Variants in MYO1F observed in about 807,000 individuals in gnomAD.
The protein encoded by MYO1F is unconventional myosin-If.
Under a neutral mutation model 146.6 loss-of-function variants are expected in MYO1F, and 60 were observed. That is an observed-to-expected ratio of 0.41 (90% CI 0.33 to 0.51). MYO1F has a LOEUF of 0.51. Ranked by LOEUF, MYO1F falls within the 20% of genes least tolerant of loss-of-function variation. The pLI is 0.25. For missense variants in MYO1F, 1,274 were observed against 1,534.3 expected (o/e 0.83, Z 2.83); for synonymous variants, 602 against 602.1 (o/e 1.00, Z 0.00).
chr19:8,541,423 GTGT>G (rs1327954994), intron 15 of MYO1F, among the ~76,000 whole-genome samples: 18 of 123,218 alleles, frequency 1.5e-4, no homozygotes, highest in African/African-American at 4.1e-4. Context: ...GTGTGTGTGT[GTGT>G]TTTTTTTTTT....
intron 1 of MYO1F, among the ~76,000 whole-genome samples, chr19:8,572,760 A>G (rs944061276): frequency 2.0e-5 from 3 of 152,160 alleles, no homozygotes; most frequent in African/African-American, 7.2e-5. Context: ...CAGTGGGGCC[A>G]TCACAGCTCA....
In MYO1F at chr19:8,544,283, G is replaced by A; in HGVS notation, c.1524+14C>T. On this transcript the variant is annotated intron_variant, in intron 14 of 27. Coordinates refer to ENST00000644032, the MANE Select transcript of MYO1F (RefSeq NM_012335.4). Reference sequence around the variant, plus strand: ...GCGAGGAGGCACAGGGTAGGGTAGGGGCAGGGGGCGCACCTTGCCAGCGTA... The same window carrying A: ...GCGAGGAGGCACAGGGTAGGGTAGGAGCAGGGGGCGCACCTTGCCAGCGTA... The A allele has an allele frequency of 6.2e-7, 1 of 1,612,734 alleles. No individual in the cohort carries two copies. Among genetic ancestry groups the A allele is most frequent in the Non-Finnish European group, 8.5e-7 (1 of 1,179,756 alleles).
chr19:8,574,545 T>C (rs2042169919), intron 1 of MYO1F, among the ~76,000 whole-genome samples: 1 of 79,450 alleles, frequency 1.3e-5, no homozygotes, highest in Non-Finnish European at 2.6e-5. Flanking sequence ...CTTTCTTTCT[T>C]TCTTTCTTTC....
chr19:8,543,531 GT>G (rs1221587063), intron 14 of MYO1F, among the ~76,000 whole-genome samples: 1 of 152,016 alleles, frequency 6.6e-6, no homozygotes, highest in African/African-American at 2.4e-5. Context: ...CCAAGCTGGT[GT>G]TAATCGGGGG....
At chr19:8,526,380 T>C (rs1211486148) in intron 24 of MYO1F, 73 bp downstream of exon 24, 14 of 1,531,444 alleles carry the variant, frequency 9.1e-6, no homozygotes, top group African/African-American at 2.8e-5. Flanking sequence ...GACACTCCCC[T>C]TCCTGGCCTT....
At chr19:8,576,386 G>A (rs2042239931) in intron 1 of MYO1F, 1 of 152,362 alleles carries the variant, frequency 6.6e-6, no homozygotes, top group Non-Finnish European at 1.5e-5. Context: ...ACCCTAGTAA[G>A]CTGTACCTGC....
rs535403200 is a variant in MYO1F, at chr19:8,573,839, G to A, written c.3+3468C>T. Among the ~76,000 whole-genome samples, 395 of 152,170 alleles carry A rather than the reference G, an allele frequency of 2.6e-3. 1 individual carries two copies. Among genetic ancestry groups the A allele is most frequent in the African/African-American group, 9.0e-3 (375 of 41,530 alleles). On this transcript the variant is annotated intron_variant, in intron 1 of 27. Transcript: ENST00000644032. ...CACTCCAGCCGGGGTGACAGAGCGA[G>A]ACTCTGTCTCAGAAACAAAACAAAA...
intron 12 of MYO1F, among the ~76,000 whole-genome samples, chr19:8,546,383 C>A (rs571781107): frequency 1.3e-5 from 2 of 150,792 alleles, no homozygotes; most frequent in African/African-American, 4.9e-5. Context: ...TTTTTGAGAC[C>A]GGGTTTTGCT....
chr19:8,527,582 G>A, intron 21 of MYO1F, 99 bp from the exon 22 acceptor site: 1 of 1,490,882 alleles, frequency 6.7e-7, no homozygotes, highest in African/African-American at 1.4e-5. Flanking sequence ...CAGGTCAGGT[G>A]AGGAAGGTGG....
chr19:8,527,532 G>A (rs1483763028), intron 21 of MYO1F, 49 bp from the exon 22 acceptor site: 2 of 1,604,348 alleles, frequency 1.2e-6, no homozygotes, highest in African/African-American at 1.3e-5. Flanking sequence ...TGGCCAGCCT[G>A]GCCACAGAGG....
At chr19:8,552,692 AT>A (rs897747838) in intron 6 of MYO1F, among the ~76,000 whole-genome samples, 157 of 151,472 alleles carry the variant, frequency 1.0e-3, no homozygotes, top group Middle Eastern at 6.8e-3. Flanking sequence ...AGTTGCATAG[AT>A]TTTTTTCCCC....
intron 1 of MYO1F, among the ~76,000 whole-genome samples, chr19:8,561,466 CTCTCTTTCTTTT>C (rs1338580310): frequency 2.1e-4 from 26 of 123,676 alleles, no homozygotes; most frequent in Non-Finnish European, 3.2e-4. Context: ...CTCCCTCTCT[CTCTCTTTCTTTT>C]TCTCTTTCTT....
chr19:8,548,369 C>T, intron 10 of MYO1F, 52 bp from the exon 11 acceptor site: 1 of 1,549,454 alleles, frequency 6.5e-7, no homozygotes, highest in African/African-American at 1.4e-5. Context: ...AGATCTGAAG[C>T]CCCTGCCCAC....
chr19:8,575,077 TC>T (rs2042214196), intron 1 of MYO1F, among the ~76,000 whole-genome samples: 2 of 150,236 alleles, frequency 1.3e-5, no homozygotes, highest in Non-Finnish European at 3.0e-5. Flanking sequence ...ATTTTCTTTT[TC>T]TTTTTTTTTT....
At chr19:8,576,030 T>A (rs1468535417) in intron 1 of MYO1F, among the ~76,000 whole-genome samples, 1 of 152,194 alleles carries the variant, frequency 6.6e-6, no homozygotes, top group Non-Finnish European at 1.5e-5. Flanking sequence ...CGGAGTGTGC[T>A]CTGTCACCCA....
At chr19:8,551,699 G>A (rs1326011567) in intron 8 of MYO1F, 41 bp downstream of exon 8, 4 of 1,613,912 alleles carry the variant, frequency 2.5e-6, no homozygotes, top group Non-Finnish European at 3.4e-6. Context: ...CTGGGGCTGA[G>A]GTCTGCCTGG....
intron 14 of MYO1F, among the ~76,000 whole-genome samples, chr19:8,543,446 A>G (rs2145878819): frequency 1.3e-5 from 2 of 150,778 alleles, no homozygotes; most frequent in Middle Eastern, 6.8e-3. Context: ...TTGGGATCAG[A>G]AGGTGGGGGG....
In MYO1F at chr19:8,530,032, C is replaced by T. The variant is rs1378257432; in HGVS notation, c.2328+164G>A. 1.1e-6 allele frequency: 1 copy of T among 896,670 alleles called. No individual in the cohort carries two copies. Among genetic ancestry groups the T allele is most frequent in the South Asian group, 1.4e-5 (1 of 71,886 alleles). The allele number at this position is 896,670 out of a possible 1,614,324, so 55.5% of individuals were successfully genotyped here. A position where few individuals can be genotyped will look rare whatever the true frequency, so the allele number is the denominator to read the frequency against. On this transcript the variant is annotated intron_variant, in intron 21 of 27. Coordinates refer to ENST00000644032, the MANE Select transcript of MYO1F (RefSeq NM_012335.4). This position sits in a 1 kb window ranked among gnomAD's most constrained non-coding sequence, Gnocchi z 5.8. The stretch of plus-strand genomic sequence containing the variant: ...AACAGATGGATCTAGGCTGGGGGAT[C>T]TATGCCTGTGGGCAGGTGCATATGG...
In MYO1F at chr19:8,536,487, A is replaced by T; in HGVS notation, c.1898+12T>A. The stretch of plus-strand genomic sequence containing the variant: ...AAGGGGATGGCGAGGGCGGGGGTGG[A>T]GGGCTCCTCACCTCTGCAGGAATTT... On this transcript the variant is annotated intron_variant, in intron 18 of 27. Coordinates refer to ENST00000644032, the MANE Select transcript of MYO1F (RefSeq NM_012335.4). 6.2e-7 allele frequency: 1 copy of T among 1,610,068 alleles called. No individual in the cohort carries two copies. Among genetic ancestry groups the T allele is most frequent in the Non-Finnish European group, 8.5e-7 (1 of 1,178,548 alleles).
Sources: gnomAD v4.1 joint callset for allele counts (sites outside exome capture counted in the v4.1 genomes callset) on GRCh38, gnomAD v4.1.1 for gene constraint, Gnocchi (gnomAD v3.1) non-coding constraint, MANE v1.5 for transcripts, NCBI Gene and HGNC (gene_info 2026-07-23, HGNC 2026-07-21) for gene names.